Variants in BAALC observed in about 807,000 individuals in gnomAD.
BAALC encodes the protein BAALC binder of MAP3K1 and KLF4, also known as brain and acute leukemia cytoplasmic protein.
Under a neutral mutation model 15.5 loss-of-function variants are expected in BAALC, and 9 were observed. The observed-to-expected ratio is 0.58, with a 90% CI of 0.35 to 1.02. The LOEUF is 1.02. Ranked by LOEUF, BAALC falls within the 50% of genes least tolerant of loss-of-function variation. The pLI, the probability that BAALC is intolerant of heterozygous loss-of-function variation, is 0.02. For missense variants in BAALC, 201 were observed against 192.4 expected (o/e 1.04, Z -0.27); for synonymous variants, 80 against 74.6 (o/e 1.07, Z -0.37).
intron 1 of BAALC, among the ~76,000 whole-genome samples, chr8:103,173,354 T>G (rs950937346): frequency 2.5e-4 from 38 of 152,226 alleles, no homozygotes; most frequent in African/African-American, 9.2e-4. Context: ...TTTGCCATCA[T>G]GAAGTATAGA....
At chr8:103,226,763 T>A (rs971029403) in intron 2 of BAALC, among the ~76,000 whole-genome samples, 33 of 152,204 alleles carry the variant, frequency 2.2e-4, no homozygotes, top group Non-Finnish European at 8.8e-5. Context: ...TTTAAGCTTA[T>A]TTTTTTCCCA....
chr8:103,197,919 G>T (rs530348929), intron 1 of BAALC, among the ~76,000 whole-genome samples: 1 of 152,298 alleles, frequency 6.6e-6, no homozygotes, highest in South Asian at 2.1e-4. Context: ...ACGAGATTTG[G>T]AGGAGACAAG....
intron 1 of BAALC, among the ~76,000 whole-genome samples, chr8:103,161,280 C>CTTT (rs34176566): frequency 6.7e-6 from 1 of 149,254 alleles, no homozygotes; most frequent in African/African-American, 2.5e-5. Flanking sequence ...TTTGGTTTAT[C>CTTT]TTTTTTTTTT....
At chr8:103,164,172 T>G (rs6468863) in intron 1 of BAALC, among the ~76,000 whole-genome samples, 52,828 of 151,754 alleles carry the variant, frequency 0.35, 9,849 homozygotes, top group African/African-American at 0.45. Context: ...GGGGATAGAG[T>G]GCTCCAGGAG....
At chr8:103,198,311 T>C (rs1168069712) in intron 1 of BAALC, among the ~76,000 whole-genome samples, 4 of 152,218 alleles carry the variant, frequency 2.6e-5, no homozygotes, top group Admixed American at 2.6e-4. Flanking sequence ...AAAAAATAAA[T>C]AGCCTAATAT....
intron 1 of BAALC, among the ~76,000 whole-genome samples, chr8:103,205,793 T>C (rs1331969930): frequency 6.6e-6 from 1 of 152,208 alleles, no homozygotes; most frequent in Non-Finnish European, 1.5e-5. Context: ...TTTTTGCTAA[T>C]ACCACAAGCT....
intron 1 of BAALC, among the ~76,000 whole-genome samples, chr8:103,144,843 C>T (rs746627813): frequency 1.3e-5 from 2 of 152,072 alleles, no homozygotes; most frequent in African/African-American, 4.8e-5. Flanking sequence ...TTAATATCAC[C>T]ATTACCCATC....
chr8:103,195,519 T>C (rs551288106), intron 1 of BAALC, among the ~76,000 whole-genome samples: 49 of 152,294 alleles, frequency 3.2e-4, no homozygotes, highest in Admixed American at 1.6e-3. Flanking sequence ...CCAGCTTTCA[T>C]TGGGAGTCCC....
intron 2 of BAALC, among the ~76,000 whole-genome samples, chr8:103,214,479 T>G (rs1337395055): frequency 1.3e-5 from 2 of 152,204 alleles, no homozygotes; most frequent in Admixed American, 6.5e-5. Context: ...TTCCAAAAAC[T>G]TACTGGTCCT....
At chr8:103,212,181 A>G (rs1812460869) in intron 1 of BAALC, among the ~76,000 whole-genome samples, 1 of 152,184 alleles carries the variant, frequency 6.6e-6, no homozygotes, top group Non-Finnish European at 1.5e-5. Flanking sequence ...ATGTTATCTC[A>G]TGCCTGTAAT....
intron 1 of BAALC, among the ~76,000 whole-genome samples, chr8:103,179,346 C>T (rs1277365770): frequency 6.6e-6 from 1 of 152,216 alleles, no homozygotes; most frequent in Non-Finnish European, 1.5e-5. Context: ...AGCCCCAGAA[C>T]ACCTTTAGGT....
At chr8:103,157,430 G>A (rs1811121209) in intron 1 of BAALC, among the ~76,000 whole-genome samples, 1 of 151,994 alleles carries the variant, frequency 6.6e-6, no homozygotes, top group African/African-American at 2.4e-5. Flanking sequence ...CATCAATTGG[G>A]TAATTTTGAA....
At chr8:103,214,225 T>G (rs1812510953) in intron 2 of BAALC, among the ~76,000 whole-genome samples, 2 of 152,198 alleles carry the variant, frequency 1.3e-5, no homozygotes, top group Non-Finnish European at 2.9e-5. Flanking sequence ...CAAACCCAGT[T>G]GAAGGGTCAG....
chr8:103,189,717 T>G (rs138266123), intron 1 of BAALC, among the ~76,000 whole-genome samples: 209 of 152,272 alleles, frequency 1.4e-3, no homozygotes, highest in African/African-American at 4.7e-3. Context: ...AGCCTGACCT[T>G]TCTGAGGAGC....
intron 1 of BAALC, among the ~76,000 whole-genome samples, chr8:103,177,696 G>T (rs1811638242): frequency 6.6e-6 from 1 of 152,134 alleles, no homozygotes; most frequent in South Asian, 2.1e-4. Context: ...CTCTTACTAG[G>T]CTGAGACCTT....
In BAALC at chr8:103,222,609, C is replaced by T. The variant is rs568783010; in HGVS notation, c.328-5380C>T. On this transcript the variant is annotated intron_variant, in intron 2 of 2. Coordinates refer to ENST00000309982, the MANE Select transcript of BAALC (RefSeq NM_024812.3). The stretch of plus-strand genomic sequence containing the variant: ...GACTGCTTTTGGTTGGGTACTTTTC[C>T]GGCAATGTCTCAAATTCAAAAGCTT... 5.9e-5 allele frequency among the ~76,000 whole-genome samples: 9 copies of T among 152,242 alleles called. No homozygotes were observed. In the East Asian group the frequency reaches 9.7e-4, roughly 16 times the overall value.
At chr8:103,168,803 G>T (rs1586392767) in intron 1 of BAALC, among the ~76,000 whole-genome samples, 1 of 151,968 alleles carries the variant, frequency 6.6e-6, no homozygotes, top group Non-Finnish European at 1.5e-5. Flanking sequence ...CTCTTCCTTG[G>T]TTTGTTCTCT....
chr8:103,215,841 A>G (rs1273781555), intron 2 of BAALC, among the ~76,000 whole-genome samples: 1 of 152,234 alleles, frequency 6.6e-6, no homozygotes, highest in Admixed American at 6.5e-5. Flanking sequence ...TACCACATAC[A>G]TACACAAAGA....
chr8:103,189,381 A>G (rs370101095), intron 1 of BAALC, among the ~76,000 whole-genome samples: 2 of 152,400 alleles, frequency 1.3e-5, no homozygotes, highest in South Asian at 2.1e-4. Flanking sequence ...GGATAAAAAC[A>G]TAGCATAAAT....
Sources: allele counts gnomAD v4.1 joint callset (sites outside exome capture counted in the v4.1 genomes callset), GRCh38; gene constraint gnomAD v4.1.1; transcripts MANE v1.5; gene names NCBI Gene and HGNC (gene_info 2026-07-23, HGNC 2026-07-21).